MGAT5: variants seen among roughly 807,000 people sequenced by gnomAD.
The protein encoded by MGAT5 is alpha-1,6-mannosylglycoprotein 6-beta-N-acetylglucosaminyltransferase.
Under a neutral mutation model 94.3 loss-of-function variants are expected in MGAT5, and 30 were observed. That is an observed-to-expected ratio of 0.32 (90% CI 0.24 to 0.43). The LOEUF (loss-of-function observed/expected upper bound fraction) is 0.43, where lower values mean the gene tolerates loss of function less well. Ranked by LOEUF, MGAT5 falls within the 20% of genes least tolerant of loss-of-function variation. The pLI, the probability that MGAT5 is intolerant of heterozygous loss-of-function variation, is 1.00. For synonymous variants in MGAT5, 310 were observed against 322.9 expected (o/e 0.96, Z 0.43); for missense variants, 691 against 905.5 (o/e 0.76, Z 3.04).
At chr2:134,397,588 T>C (rs1682793047) in intron 10 of MGAT5, among the ~76,000 whole-genome samples, 1 of 152,198 alleles carries the variant, frequency 6.6e-6, no homozygotes. Context: ...CTAAGGCCCC[T>C]ATAATTCTGC....
intron 10 of MGAT5, among the ~76,000 whole-genome samples, chr2:134,384,647 G>A (rs1307833976): frequency 2.6e-5 from 4 of 152,170 alleles, no homozygotes; most frequent in Non-Finnish European, 4.4e-5. Flanking sequence ...GAAGTTTGGT[G>A]TACAAGCATT....
rs546130156 is a variant in MGAT5, at chr2:134,292,819, T to G, written c.406+22269T>G. Among the ~76,000 whole-genome samples the G allele has an allele frequency of 3.3e-5, 5 of 152,334 alleles. No homozygotes were observed. The South Asian group carries it at 1.0e-3, about 32-fold the overall frequency. ...GACTCTCAACGACATACAGAGGATC[T>G]TTATCAAAGCGTGTTATGTGACTTG... On this transcript the variant is annotated intron_variant, in intron 2 of 15. Coordinates refer to ENST00000281923, the MANE Select transcript of MGAT5 (RefSeq NM_002410.5).
chr2:134,224,888 G>A (rs1449106972), intron 1 of MGAT5, among the ~76,000 whole-genome samples: 1 of 152,004 alleles, frequency 6.6e-6, no homozygotes, highest in African/African-American at 2.4e-5. Flanking sequence ...AGACCAGCCA[G>A]GGAAACATGG....
chr2:134,346,190 A>G (rs1360112137), intron 8 of MGAT5, among the ~76,000 whole-genome samples: 1 of 152,192 alleles, frequency 6.6e-6, no homozygotes, highest in Non-Finnish European at 1.5e-5. Context: ...TCTACACGGT[A>G]TAGGCTTCCC....
At chr2:134,201,555 G>T (rs371020434) in intron 1 of MGAT5, among the ~76,000 whole-genome samples, 2 of 152,050 alleles carry the variant, frequency 1.3e-5, no homozygotes, top group African/African-American at 4.8e-5. Flanking sequence ...CACAGCACCG[G>T]GTCAGCTTGT....
intron 1 of MGAT5, among the ~76,000 whole-genome samples, chr2:134,204,722 T>C (rs964378980): frequency 6.6e-6 from 1 of 152,186 alleles, no homozygotes; most frequent in Non-Finnish European, 1.5e-5. Context: ...TTGATATTGC[T>C]CTTCAATTGT....
intron 1 of MGAT5, among the ~76,000 whole-genome samples, chr2:134,212,566 G>T (rs1305035886): frequency 6.6e-6 from 1 of 151,862 alleles, no homozygotes; most frequent in East Asian, 1.9e-4. Flanking sequence ...GATAAGAACT[G>T]GCTTATTTTT....
intron 1 of MGAT5, among the ~76,000 whole-genome samples, chr2:134,263,525 C>A (rs558826687): frequency 6.6e-6 from 1 of 152,308 alleles, no homozygotes; most frequent in South Asian, 2.1e-4. Flanking sequence ...TTGTTTTATG[C>A]CCTTTTCTGT....
intron 1 of MGAT5, among the ~76,000 whole-genome samples, chr2:134,182,616 T>C (rs143099862): frequency 6.6e-6 from 1 of 152,222 alleles, no homozygotes; most frequent in African/African-American, 2.4e-5. Flanking sequence ...AAACAAAACA[T>C]GCACAGCCCT....
At chr2:134,247,424 A>C (rs1008349215) in intron 1 of MGAT5, among the ~76,000 whole-genome samples, 1 of 151,342 alleles carries the variant, frequency 6.6e-6, no homozygotes, top group East Asian at 1.9e-4. Context: ...TTTTGTGACC[A>C]ATAAGGTGGA....
intron 1 of MGAT5, among the ~76,000 whole-genome samples, chr2:134,208,649 G>A (rs1212270370): frequency 6.6e-6 from 1 of 152,136 alleles, no homozygotes; most frequent in East Asian, 1.9e-4. Context: ...CAGAAACATG[G>A]TCTTTATCCC....
In MGAT5 at chr2:134,254,584, C is replaced by T. The variant is rs781457066; in HGVS notation, c.181C>T (p.Leu61=). 6.8e-6 allele frequency: 11 copies of T among 1,614,224 alleles called. No homozygotes were observed. Among genetic ancestry groups the T allele is most frequent in the Non-Finnish European group, 7.6e-6 (9 of 1,180,044 alleles). The change falls in exon 1 of 16, where the codon CTG becomes TTG. Residue 61 remains leucine (L), a synonymous_variant. Transcript: ENST00000281923. ...CCTCAGCAAAAGGTACATCAAGGCA[C>T]TGGCAGAAGAAAACAGGAATGTGGT... The part of the protein sequence containing the change: ...LDLSKRYIKA[L]AEENRNVVDG...
At chr2:134,285,185 T>TAA (rs1684929252) in intron 2 of MGAT5, among the ~76,000 whole-genome samples, 1 of 152,134 alleles carries the variant, frequency 6.6e-6, no homozygotes, top group Non-Finnish European at 1.5e-5. Flanking sequence ...ATGTAGGAAA[T>TAA]TTGGAAAATA....
chr2:134,417,288 G>A (rs1684033815), intron 12 of MGAT5, among the ~76,000 whole-genome samples: 1 of 151,890 alleles, frequency 6.6e-6, no homozygotes, highest in Non-Finnish European at 1.5e-5. Context: ...CAGTACAGTG[G>A]TCAAAACCAA....
chr2:134,159,283 C>T (rs1687622364), intron 1 of MGAT5, among the ~76,000 whole-genome samples: 1 of 151,558 alleles, frequency 6.6e-6, no homozygotes, highest in African/African-American at 2.4e-5. Context: ...TCCATCCCTT[C>T]CCTTCTCGCT....
chr2:134,237,121 A>ATGTGTGTGTGTGTG (rs1283215466), intron 1 of MGAT5, among the ~76,000 whole-genome samples: 5 of 122,708 alleles, frequency 4.1e-5, no homozygotes, highest in African/African-American at 1.2e-4. Context: ...TAGAAGGAGT[A>ATGTGTGTGTGTGTG]TATGTGTGTG....
chr2:134,282,079 G>C (rs1363598169), intron 2 of MGAT5, among the ~76,000 whole-genome samples: 1 of 152,164 alleles, frequency 6.6e-6, no homozygotes, highest in East Asian at 1.9e-4. Context: ...TGTGTGTTCA[G>C]GTTTTCTCCT....
At chr2:134,429,260 T>A (rs1007110546) in intron 14 of MGAT5, among the ~76,000 whole-genome samples, 3 of 152,050 alleles carry the variant, frequency 2.0e-5, no homozygotes, top group African/African-American at 2.4e-5. Flanking sequence ...AGGCCCAAGG[T>A]GGGCTTCAAA....
chr2:134,446,875 T>C lies in MGAT5; in HGVS notation c.2028-1774T>C, dbSNP rs1235924278. 3.9e-5 allele frequency among the ~76,000 whole-genome samples: 6 copies of C among 152,280 alleles called. No homozygotes were observed. The East Asian group carries it at 1.2e-3, about 29-fold the overall frequency. On this transcript the variant is annotated intron_variant, in intron 15 of 15. Coordinates refer to ENST00000281923, the MANE Select transcript of MGAT5 (RefSeq NM_002410.5). ...GTGACATGCTGAGTTCCAGAAGCAG[T>C]TGGGGCTTCAGCTGCAACTGAGCAG...
Sources: gnomAD v4.1 joint callset for allele counts (sites outside exome capture counted in the v4.1 genomes callset) on GRCh38, gnomAD v4.1.1 for gene constraint, MANE v1.5 for transcripts, NCBI Gene and HGNC (gene_info 2026-07-23, HGNC 2026-07-21) for gene names.